The following PKD1L1 variants were observed in gnomAD, a reference collection of about 807,000 sequenced individuals.
The protein encoded by PKD1L1 is polycystin-1-like protein 1.
In PKD1L1, 236 loss-of-function variants were observed where a neutral mutation model predicts 323.4. The observed-to-expected ratio is 0.73, with a 90% CI of 0.66 to 0.81. The LOEUF (loss-of-function observed/expected upper bound fraction) is 0.81. Ranked by LOEUF, PKD1L1 falls within the 40% of genes least tolerant of loss-of-function variation. The pLI is 0.00. For synonymous variants in PKD1L1, 1,344 were observed against 1,335.0 expected, an observed-to-expected ratio of 1.01 and a Z score of -0.15; for missense variants, 3,320 against 3,508.0, an observed-to-expected ratio of 0.95 and a Z score of 1.35.
At chr7:47,876,523 G>A (rs1050038601) in intron 22 of PKD1L1, among the ~76,000 whole-genome samples, 2 of 152,138 alleles carry the variant, frequency 1.3e-5, no homozygotes, top group Non-Finnish European at 2.9e-5. Context: ...CCCTCAGGGT[G>A]AAGGGCCCCA....
At chr7:47,812,087 GGGAGAA>G (rs1318458693) in intron 49 of PKD1L1, 36 bp from the exon 50 acceptor site, 1 of 1,522,406 alleles carries the variant, frequency 6.6e-7, no homozygotes, top group Non-Finnish European at 8.9e-7. Flanking sequence ...GGGCAGGGCA[GGGAGAA>G]AGGCACAGAA....
At chr7:47,894,457 T>C (rs2128749354) in intron 14 of PKD1L1, among the ~76,000 whole-genome samples, 1 of 152,278 alleles carries the variant, frequency 6.6e-6, no homozygotes, top group South Asian at 2.1e-4. Flanking sequence ...CCCAAACATA[T>C]CATGGACTTT....
intron 55 of PKD1L1, among the ~76,000 whole-genome samples, chr7:47,795,681 G>A (rs1158565979): frequency 1.3e-5 from 2 of 152,122 alleles, no homozygotes; most frequent in Non-Finnish European, 2.9e-5. Flanking sequence ...ACTAACTCAG[G>A]GGACAGAATA....
chr7:47,813,514 T>G (rs200136991), intron 48 of PKD1L1: 31 of 702,102 alleles, frequency 4.4e-5, no homozygotes, highest in Non-Finnish European at 7.5e-5. Flanking sequence ...GCATCTGAGC[T>G]GTGTATGGTT....
At chr7:47,926,439 G>A (rs916057496) in intron 7 of PKD1L1, among the ~76,000 whole-genome samples, 6 of 152,056 alleles carry the variant, frequency 3.9e-5, no homozygotes, top group African/African-American at 4.8e-5. Context: ...GATATCTTAC[G>A]TCTCCCTAAA....
At position 47,840,589 on chromosome 7, in the gene PKD1L1, G is replaced by A. The variant is rs116270596; in HGVS notation, c.5446-22C>T. 1.1e-3 allele frequency: 1,722 copies of A among 1,569,140 alleles called. 18 individuals carry two copies. The African/African-American group carries it at 0.021, about 19-fold the overall frequency. On this transcript the variant is annotated intron_variant, in intron 34 of 56. Coordinates refer to ENST00000289672, the MANE Select transcript of PKD1L1 (RefSeq NM_138295.5). This position sits in a 1 kb window ranked among gnomAD's most constrained non-coding sequence, Gnocchi z 4.1. The stretch of plus-strand genomic sequence containing the variant: ...ACACCTCAAAACAAAGAACAGGGGT[G>A]GGAACTCAGGCTATTTCACAGCAGA...
intron 7 of PKD1L1, among the ~76,000 whole-genome samples, chr7:47,917,185 G>C (rs898251751): frequency 1.3e-5 from 2 of 152,110 alleles, no homozygotes; most frequent in African/African-American, 4.8e-5. Flanking sequence ...AAAATGCTCT[G>C]AAAAGTCTCA....
chr7:47,846,748 T>A, intron 32 of PKD1L1, 131 bp downstream of exon 32: 1 of 775,296 alleles, frequency 1.3e-6, no homozygotes, highest in Non-Finnish European at 2.0e-6. Context: ...GGCTGGAGAG[T>A]TGTACAAACC....
intron 56 of PKD1L1, among the ~76,000 whole-genome samples, chr7:47,782,862 G>C (rs1786727050): frequency 6.6e-6 from 1 of 152,200 alleles, no homozygotes; most frequent in Non-Finnish European, 1.5e-5. Context: ...ATAGTTAAGA[G>C]TGCAAAACCA....
intron 31 of PKD1L1, among the ~76,000 whole-genome samples, chr7:47,848,976 C>T (rs1391322709): frequency 6.6e-6 from 1 of 152,168 alleles, no homozygotes; most frequent in African/African-American, 2.4e-5. Flanking sequence ...ACCAACACAG[C>T]ATGCTACTGG....
At chr7:47,789,230 C>T (rs1786883857) in intron 56 of PKD1L1, among the ~76,000 whole-genome samples, 1 of 152,156 alleles carries the variant, frequency 6.6e-6, no homozygotes, top group Non-Finnish European at 1.5e-5. Context: ...GGGACTGGTG[C>T]TTTTGGAGGG....
chr7:47,893,845 A>G (rs1239731964), intron 15 of PKD1L1, 33 bp downstream of exon 15: 1 of 1,601,428 alleles, frequency 6.2e-7, no homozygotes, highest in South Asian at 1.1e-5. Flanking sequence ...CGGTCTGAGT[A>G]GCTGCGCAGC....
At chr7:47,821,289 G>A in intron 45 of PKD1L1, 103 bp from the exon 46 acceptor site, 1 of 647,856 alleles carries the variant, frequency 1.5e-6, no homozygotes, top group Non-Finnish European at 2.5e-6. Flanking sequence ...TTATTTTTGA[G>A]ACGGAGTCTC....
chr7:47,804,646 T>A (rs968981264), intron 52 of PKD1L1, among the ~76,000 whole-genome samples: 3 of 151,946 alleles, frequency 2.0e-5, no homozygotes, highest in Non-Finnish European at 2.9e-5. Flanking sequence ...TATTATTATT[T>A]TTATTTTTTT....
At chr7:47,945,070 C>T (rs1312861564) in intron 1 of PKD1L1, among the ~76,000 whole-genome samples, 2 of 152,166 alleles carry the variant, frequency 1.3e-5, no homozygotes, top group Admixed American at 6.5e-5. Context: ...CAGGCAGTCA[C>T]CTTGCCTCTC....
At chr7:47,837,239 G>T in intron 36 of PKD1L1, 145 bp from the exon 37 acceptor site, 1 of 918,418 alleles carries the variant, frequency 1.1e-6, no homozygotes, top group Non-Finnish European at 1.7e-6. Context: ...TACCAGGTGG[G>T]CTGTGGTGCA....
intron 44 of PKD1L1, among the ~76,000 whole-genome samples, chr7:47,828,347 G>A (rs1019497099): frequency 1.3e-5 from 2 of 151,920 alleles, no homozygotes; most frequent in Non-Finnish European, 2.9e-5. Flanking sequence ...AGCACAGCAG[G>A]GCACAGCTGT....
At chr7:47,959,552 C>T in the PKD1L1 span, among the ~76,000 whole-genome samples, 24 of 146,622 alleles carry the variant, frequency 1.6e-4, no homozygotes, top group South Asian at 4.4e-4. Flanking sequence ...TGCCCAGCCG[C>T]CCCGTCTGAG....
chr7:47,910,825 T>TG (rs1562986127), intron 8 of PKD1L1, among the ~76,000 whole-genome samples: 5 of 139,294 alleles, frequency 3.6e-5, no homozygotes, highest in Middle Eastern at 7.0e-3. Flanking sequence ...CCCAGCTGAT[T>TG]TTGTGTGTGT....
Sources: gnomAD v4.1 joint callset for allele counts (sites outside exome capture counted in the v4.1 genomes callset) on GRCh38, gnomAD v4.1.1 for gene constraint, Gnocchi (gnomAD v3.1) non-coding constraint, MANE v1.5 for transcripts, NCBI Gene and HGNC (gene_info 2026-07-23, HGNC 2026-07-21) for gene names.